SHANK2: variants seen among roughly 807,000 people sequenced by gnomAD.
SHANK2 encodes the protein SH3 and multiple ankyrin repeat domains 2.
In SHANK2, 43 loss-of-function variants were observed where a neutral mutation model predicts 133.7. That is an observed-to-expected ratio of 0.32 (90% confidence interval 0.25 to 0.41). The LOEUF (loss-of-function observed/expected upper bound fraction) is 0.41, where lower values mean the gene tolerates loss of function less well. SHANK2 is among the 10% of genes least tolerant of loss of function. The pLI is 1.00. For synonymous variants in SHANK2, 1,017 were observed against 952.8 expected, an observed-to-expected ratio of 1.07 and a Z score of -1.24; for missense variants, 1,994 against 2,235.8, an observed-to-expected ratio of 0.89 and a Z score of 2.18.
intron 14 of SHANK2, among the ~76,000 whole-genome samples, chr11:70,708,680 C>G (rs1031529924): frequency 6.6e-6 from 1 of 152,196 alleles, no homozygotes; most frequent in Non-Finnish European, 1.5e-5. Context: ...AGCCTTGGAT[C>G]GTCTGCCTTG....
Position 70,469,517 on chromosome 11 carries a change from A to G in SHANK2, c.*3352T>C, listed in dbSNP as rs1425883439. On this transcript the variant is annotated 3_prime_UTR_variant, in exon 26 of 26. Transcript: ENST00000601538. ...AGGATTGGGAGAAAGTGCAAATTAC[A>G]GGAGCTTTTTTTTTTTTTTATAAAG... 6.7e-6 allele frequency: 1 copy of G among 149,236 alleles called. No homozygotes were observed. The highest frequency in any genetic ancestry group is 1.5e-5 in the Non-Finnish European group (1 of 67,760). The allele number at this position is 149,236 out of a possible 1,614,324, so 9.2% of individuals were successfully genotyped here. A position where few individuals can be genotyped will look rare whatever the true frequency, so the allele number is the denominator to read the frequency against.
At chr11:71,136,204 C>T (rs1331491435) in intron 3 of SHANK2, among the ~76,000 whole-genome samples, 1 of 152,166 alleles carries the variant, frequency 6.6e-6, no homozygotes, top group African/African-American at 2.4e-5. Context: ...CTCTGCTAAA[C>T]GCCACCCTGG....
At chr11:70,575,020 CCACACACACAAAGGG>C (rs2060098138) in intron 17 of SHANK2, among the ~76,000 whole-genome samples, 1 of 152,108 alleles carries the variant, frequency 6.6e-6, no homozygotes, top group Non-Finnish European at 1.5e-5. Context: ...ACACAGGAAG[CCACACACACAAAGGG>C]CACATTTCTG....
chr11:71,115,768 C>T (rs1297210389), intron 4 of SHANK2, among the ~76,000 whole-genome samples: 3 of 152,170 alleles, frequency 2.0e-5, no homozygotes, highest in Non-Finnish European at 4.4e-5. Flanking sequence ...GGTCTTCTCG[C>T]CCAGTTTTCC....
intron 6 of SHANK2, among the ~76,000 whole-genome samples, chr11:71,096,397 G>C (rs1281408984): frequency 1.3e-5 from 2 of 152,170 alleles, no homozygotes; most frequent in Non-Finnish European, 2.9e-5. Flanking sequence ...GTGGAAATGG[G>C]GCAGACGCCA....
intron 3 of SHANK2, among the ~76,000 whole-genome samples, chr11:71,120,587 C>T (rs1308595400): frequency 6.6e-6 from 1 of 152,122 alleles, no homozygotes; most frequent in African/African-American, 2.4e-5. Context: ...CCTGTTTCTC[C>T]CTTCCAATGT....
chr11:70,654,615 G>A (rs1215308137), intron 17 of SHANK2, among the ~76,000 whole-genome samples: 1 of 152,100 alleles, frequency 6.6e-6, no homozygotes, highest in Non-Finnish European at 1.5e-5. Context: ...GGTATTAAGA[G>A]CTCCTTGTAA....
chr11:70,653,321 GGGATTGACCCT>G (rs1260417448), intron 17 of SHANK2, among the ~76,000 whole-genome samples: 5 of 152,154 alleles, frequency 3.3e-5, no homozygotes, highest in African/African-American at 1.2e-4. Flanking sequence ...TGAAGCTGTG[GGGATTGACCCT>G]TGAGCAGCGA....
chr11:70,946,661 C>T (rs1407498714), intron 10 of SHANK2, among the ~76,000 whole-genome samples: 2 of 145,966 alleles, frequency 1.4e-5, no homozygotes, highest in Non-Finnish European at 3.0e-5. Flanking sequence ...AACTCTTCCC[C>T]AGGGTCAACC....
At chr11:71,156,392 A>ATT (rs782098567) in intron 2 of SHANK2, among the ~76,000 whole-genome samples, 1 of 152,228 alleles carries the variant, frequency 6.6e-6, no homozygotes, top group Non-Finnish European at 1.5e-5. Flanking sequence ...TGAACTCAAG[A>ATT]AACGGGATCC....
chr11:71,121,421 A>T (rs1952082241), intron 3 of SHANK2, among the ~76,000 whole-genome samples: 2 of 152,246 alleles, frequency 1.3e-5, no homozygotes, highest in Non-Finnish European at 2.9e-5. Context: ...GTGGACCCTA[A>T]TGCAATAACT....
At chr11:70,525,016 CAG>C (rs1227384232) in intron 17 of SHANK2, among the ~76,000 whole-genome samples, 3 of 152,208 alleles carry the variant, frequency 2.0e-5, no homozygotes, top group African/African-American at 7.2e-5. Context: ...TAGTGGGGAC[CAG>C]AGTAAGATAA....
chr11:70,501,603 G>A (rs1555158484), intron 20 of SHANK2, among the ~76,000 whole-genome samples: 1 of 152,242 alleles, frequency 6.6e-6, no homozygotes, highest in Admixed American at 6.5e-5. Flanking sequence ...ACAGGATCCT[G>A]CATGGCCAGC....
rs151088331 is a variant in SHANK2 at position 70,833,369 on chromosome 11, G to T, written c.1175-12687C>A. Among the ~76,000 whole-genome samples, 10 of 152,338 alleles carry T rather than the reference G, an allele frequency of 6.6e-5. No individual in the cohort carries two copies. The East Asian group carries it at 1.9e-3, about 29-fold the overall frequency. ...CATCTGTCAGAGTCTTCTGCCTCCT[G>T]CATCAACAAGCCAGGGTGGACTCTA... On this transcript the variant is annotated intron_variant, in intron 11 of 25. Transcript: ENST00000601538.
At chr11:70,949,313 A>C (rs1555086025) in intron 10 of SHANK2, among the ~76,000 whole-genome samples, 1 of 152,188 alleles carries the variant, frequency 6.6e-6, no homozygotes, top group Non-Finnish European at 1.5e-5. Flanking sequence ...AACCCTGTGC[A>C]CAGCAACGTC....
intron 21 of SHANK2, among the ~76,000 whole-genome samples, chr11:70,493,969 G>C (rs782465830): frequency 6.6e-6 from 1 of 152,200 alleles, no homozygotes; most frequent in African/African-American, 2.4e-5. Context: ...ACCTGTCATG[G>C]CAGCTTCTCA....
chr11:70,758,000 C>T (rs2134955805), intron 14 of SHANK2, among the ~76,000 whole-genome samples: 1 of 152,278 alleles, frequency 6.6e-6, no homozygotes, highest in Middle Eastern at 3.4e-3. Flanking sequence ...CCTAGGCAGA[C>T]TAAGAATCCC....
intron 21 of SHANK2, among the ~76,000 whole-genome samples, chr11:70,493,464 ATTTT>A (rs34242934): frequency 7.1e-6 from 1 of 140,260 alleles, no homozygotes; most frequent in Non-Finnish European, 1.5e-5. Context: ...TTTGCAGCAC[ATTTT>A]TTTTTTTTTT....
intron 15 of SHANK2, among the ~76,000 whole-genome samples, chr11:70,666,395 G>A (rs1230145880): frequency 6.6e-6 from 1 of 152,154 alleles, no homozygotes; most frequent in Non-Finnish European, 1.5e-5. Flanking sequence ...CAGACAGGGG[G>A]GTCTCACACG....
Sources: allele counts gnomAD v4.1 joint callset (sites outside exome capture counted in the v4.1 genomes callset), GRCh38; gene constraint gnomAD v4.1.1; transcripts MANE v1.5; gene names NCBI Gene and HGNC (gene_info 2026-07-23, HGNC 2026-07-21).